Variants in ZMYND8 observed in about 807,000 individuals in gnomAD.
ZMYND8 encodes the protein MYND-type zinc finger-containing chromatin reader ZMYND8.
Under a neutral mutation model 140.8 loss-of-function variants are expected in ZMYND8, and 37 were observed. That is an observed-to-expected ratio of 0.26 (90% CI 0.20 to 0.35). The LOEUF (loss-of-function observed/expected upper bound fraction) is 0.35. Among genes scored for constraint, ZMYND8 ranks in the 10% least tolerant of loss-of-function variants. The pLI, the probability that ZMYND8 is intolerant of heterozygous loss-of-function variation, is 1.00. For synonymous variants in ZMYND8, 592 were observed against 597.1 expected, an observed-to-expected ratio of 0.99 and a Z score of 0.12; for missense variants, 1,068 against 1,570.0, an observed-to-expected ratio of 0.68 and a Z score of 5.40.
At chr20:47,218,711 T>C (rs1333896831) in intron 21 of ZMYND8, among the ~76,000 whole-genome samples, 1 of 151,542 alleles carries the variant, frequency 6.6e-6, no homozygotes, top group Non-Finnish European at 1.5e-5. Context: ...GAAGAGGGAG[T>C]TGCTTTTTCA....
intron 12 of ZMYND8, among the ~76,000 whole-genome samples, chr20:47,258,946 G>C (rs2074959490): frequency 6.6e-6 from 1 of 151,924 alleles, no homozygotes. Context: ...AATGTGTCCT[G>C]AACCGGAAGA....
At position 47,283,663 on chromosome 20, in the gene ZMYND8, T is replaced by C. The variant is rs1310628058; in HGVS notation, c.805-15A>G. The C allele has an allele frequency of 2.5e-6, 4 of 1,612,626 alleles. No homozygotes were observed. The highest frequency in any genetic ancestry group is 1.7e-5 in the Admixed American group (1 of 60,012). On this transcript the variant is annotated splice_polypyrimidine_tract_variant and intron_variant, in intron 8 of 22. Coordinates refer to ENST00000471951, the MANE Select transcript of ZMYND8 (RefSeq NM_001281775.3). ...ATTTCATTCATCTGTAAAGCAAAAA[T>C]ACATTAGAATGTGTCACCCCAGGGG...
At chr20:47,275,365 G>A (rs1007735518) in intron 11 of ZMYND8, among the ~76,000 whole-genome samples, 5 of 151,716 alleles carry the variant, frequency 3.3e-5, no homozygotes, top group African/African-American at 7.3e-5. Flanking sequence ...AGTAGTGCGC[G>A]CACCTGTAAT....
chr20:47,267,567 C>A (rs1280887242), intron 11 of ZMYND8, among the ~76,000 whole-genome samples: 4 of 152,076 alleles, frequency 2.6e-5, no homozygotes, highest in African/African-American at 9.7e-5. Flanking sequence ...CCCGTAAGCA[C>A]TTCCCACAGG....
rs764102095 is a variant in ZMYND8, at chr20:47,236,454, T to C, written c.2728A>G (p.Thr910Ala). The C allele has an allele frequency of 1.9e-6, 3 of 1,612,902 alleles. No individual in the cohort carries two copies. The highest frequency in any genetic ancestry group is 2.5e-6 in the Non-Finnish European group (3 of 1,179,354). Reference sequence around the variant, plus strand: ...CTGGTGACCAGGGGCGATGACTGTGTGCTGGTCACCAGGGTGATGGTGGAC... The same window carrying C: ...CTGGTGACCAGGGGCGATGACTGTGCGCTGGTCACCAGGGTGATGGTGGAC... ...STSTITLVTS[T>A]QSSPLVTSSG... The change falls in exon 16 of 23, where the codon ACA becomes GCA. Residue 910 changes from threonine to alanine, a missense_variant. Thr to Ala is a moderately conservative substitution (Grantham distance 58). Coordinates refer to ENST00000471951, the MANE Select transcript of ZMYND8 (RefSeq NM_001281775.3).
intron 11 of ZMYND8, among the ~76,000 whole-genome samples, chr20:47,263,339 G>A (rs2075287388): frequency 6.6e-6 from 1 of 152,190 alleles, no homozygotes; most frequent in South Asian, 2.1e-4. Flanking sequence ...GAGTTGATCT[G>A]GTGCTGGAAA....
intron 2 of ZMYND8, among the ~76,000 whole-genome samples, chr20:47,316,035 T>C (rs914338471): frequency 6.6e-6 from 1 of 152,128 alleles, no homozygotes; most frequent in African/African-American, 2.4e-5. Context: ...TACTGGGTAT[T>C]AAGAACCAGG....
intron 12 of ZMYND8, among the ~76,000 whole-genome samples, chr20:47,252,223 G>A (rs188424258): frequency 6.7e-6 from 1 of 148,390 alleles, no homozygotes; most frequent in East Asian, 2.0e-4. Flanking sequence ...AACCCAGGAG[G>A]CGAAGGTTGC....
chr20:47,347,754 C>T (rs540618302), intron 2 of ZMYND8, 102 bp downstream of exon 2: 8 of 1,106,692 alleles, frequency 7.2e-6, no homozygotes, highest in East Asian at 4.7e-5. Context: ...AGAGTTACAA[C>T]GTCGGCTCAG....
chr20:47,332,881 T>C (rs1431002395), intron 2 of ZMYND8, among the ~76,000 whole-genome samples: 1 of 152,148 alleles, frequency 6.6e-6, no homozygotes, highest in African/African-American at 2.4e-5. Context: ...TTATCCCTAC[T>C]AGCCAGAAAG....
At chr20:47,232,497 C>T (rs2038638321) in intron 16 of ZMYND8, among the ~76,000 whole-genome samples, 1 of 152,034 alleles carries the variant, frequency 6.6e-6, no homozygotes, top group African/African-American at 2.4e-5. Context: ...AGTGGCCAGC[C>T]TGGGCACCAG....
chr20:47,296,108 G>A (rs1427646151), intron 4 of ZMYND8, among the ~76,000 whole-genome samples: 1 of 152,148 alleles, frequency 6.6e-6, no homozygotes, highest in East Asian at 1.9e-4. Flanking sequence ...CTTCCCAGTT[G>A]ACTGCCGTAA....
At chr20:47,349,647 T>G (rs1260534858) in intron 1 of ZMYND8, among the ~76,000 whole-genome samples, 2 of 152,150 alleles carry the variant, frequency 1.3e-5, no homozygotes, top group East Asian at 3.9e-4. Flanking sequence ...CGGAGATGGG[T>G]AGACAGTTAA....
At chr20:47,224,621 T>C in intron 18 of ZMYND8, 65 bp from the exon 19 acceptor site, 1 of 1,594,950 alleles carries the variant, frequency 6.3e-7, no homozygotes, top group Non-Finnish European at 8.5e-7. Flanking sequence ...GGGTTATTCC[T>C]GCCCCCAGAT....
intron 4 of ZMYND8, among the ~76,000 whole-genome samples, chr20:47,296,224 G>T (rs577525157): frequency 1.3e-5 from 2 of 152,126 alleles, no homozygotes; most frequent in East Asian, 3.9e-4. Context: ...CAAACACTTG[G>T]GCTGCCTGCC....
intron 4 of ZMYND8, 31 bp from the exon 5 acceptor site, chr20:47,294,810 G>A (rs769595086): frequency 2.6e-5 from 42 of 1,595,816 alleles, no homozygotes; most frequent in Non-Finnish European, 2.7e-5. Flanking sequence ...ATAAACGTCC[G>A]GTTAGAAAAA....
chr20:47,339,667 G>A (rs1177426454), intron 2 of ZMYND8, among the ~76,000 whole-genome samples: 3 of 151,844 alleles, frequency 2.0e-5, no homozygotes, highest in East Asian at 2.0e-4. Context: ...TAGTAGAGAC[G>A]GGGTTTCACC....
In ZMYND8 at chr20:47,310,291, G is replaced by A; in HGVS notation, c.86-87C>T. On this transcript the variant is annotated intron_variant, in intron 2 of 22. Transcript: ENST00000471951. ...GGAGGTGTGGAGGAACCAAGTGTGG[G>A]AACAGAGTGCATTCTGTCCCCCAAC... The A allele has an allele frequency of 6.1e-6, 9 of 1,481,344 alleles. No individual in the cohort carries two copies. In the South Asian group the frequency reaches 1.2e-4, roughly 20 times the overall value. The allele number at this position is 1,481,344 out of a possible 1,614,324, so 91.8% of individuals were successfully genotyped here.
intron 11 of ZMYND8, among the ~76,000 whole-genome samples, chr20:47,270,890 A>G (rs1444765743): frequency 6.6e-6 from 1 of 151,912 alleles, no homozygotes; most frequent in Non-Finnish European, 1.5e-5. Flanking sequence ...ATCCTGGCTA[A>G]CATGGTAAAA....
Sources: allele counts gnomAD v4.1 joint callset (sites outside exome capture counted in the v4.1 genomes callset), GRCh38; gene constraint gnomAD v4.1.1; transcripts MANE v1.5; gene names NCBI Gene and HGNC (gene_info 2026-07-23, HGNC 2026-07-21).